Variants in NBEAL1 observed in about 807,000 individuals in gnomAD.
NBEAL1 encodes neurobeachin like 1.
NBEAL1 carries 273 observed loss-of-function variants against 351.3 expected under a neutral mutation model. The ratio of observed to expected loss-of-function variants is 0.78; its 90% CI spans 0.70 to 0.86. The LOEUF (loss-of-function observed/expected upper bound fraction) is 0.86. NBEAL1 is among the 40% of genes least tolerant of loss of function. NBEAL1 has a pLI of 0.00. For synonymous variants in NBEAL1, 1,050 were observed against 1,086.4 expected (o/e 0.97, Z 0.66); for missense variants, 2,961 against 3,201.3 (o/e 0.92, Z 1.81).
At position 203,225,175 on chromosome 2, in the gene NBEAL1, A is replaced by G. The variant is rs1204386747; in HGVS notation, c.*7821A>G. On this transcript the variant is annotated 3_prime_UTR_variant, in exon 56 of 56. Coordinates refer to ENST00000683969, the MANE Select transcript of NBEAL1 (RefSeq NM_001378026.1). ...AAAATGGGTTTGAATCAAATAAAAA[A>G]AGTGATGTTACTTTCTTCAGTTGAT... Among the ~76,000 whole-genome samples the G allele has an allele frequency of 3.3e-5, 5 of 152,226 alleles. No homozygotes were observed. The East Asian group carries it at 9.6e-4, about 29-fold the overall frequency.
intron 26 of NBEAL1, 149 bp downstream of exon 26, chr2:203,132,281 T>C: frequency 1.7e-6 from 1 of 576,824 alleles, no homozygotes. Flanking sequence ...AGTTTTGTTG[T>C]TTTTGTCTCC....
intron 51 of NBEAL1, among the ~76,000 whole-genome samples, chr2:203,207,656 G>C (rs1022282852): frequency 5.3e-5 from 8 of 152,240 alleles, no homozygotes; most frequent in Admixed American, 1.3e-4. Context: ...GTCCACTCAG[G>C]GTTAAATGGA....
intron 10 of NBEAL1, among the ~76,000 whole-genome samples, chr2:203,087,698 T>G (rs1351635822): frequency 1.3e-5 from 2 of 152,222 alleles, no homozygotes; most frequent in African/African-American, 4.8e-5. Flanking sequence ...TTAAAAAGAT[T>G]ACTACGTAAT....
At chr2:203,181,425 G>A (rs1476044634) in intron 43 of NBEAL1, 1 of 152,078 alleles carries the variant, frequency 6.6e-6, no homozygotes, top group Non-Finnish European at 1.5e-5. Flanking sequence ...ATAAGTTACT[G>A]TAATATTTGA....
chr2:203,126,946 T>C lies in NBEAL1; in HGVS notation c.3248+20T>C. 1 of 1,468,606 alleles carries C rather than the reference T, an allele frequency of 6.8e-7. No individual in the cohort carries two copies. Among genetic ancestry groups the C allele is most frequent in the Non-Finnish European group, 9.3e-7 (1 of 1,074,472 alleles). 91.0% of individuals were successfully genotyped at this position (1,468,606 alleles called of 1,614,324 possible). A position where few individuals can be genotyped will look rare whatever the true frequency, so the allele number is the denominator to read the frequency against. ...TTATGGGTATGATGCCCTTGTTCTT[T>C]CTCAGTTTGATATATTATTTTCTGT... On this transcript the variant is annotated intron_variant, in intron 23 of 55. Coordinates refer to ENST00000683969, the MANE Select transcript of NBEAL1 (RefSeq NM_001378026.1).
rs71034227 is a variant in NBEAL1, at chr2:203,190,159, T to TACACACACACACAC, written c.6824-96_6824-83dup. ...TCAAAAAAAAAAAAAAAGATGTGTGTACACACACACACACACACACACACA... is the reference window on the plus strand; with the variant it reads ...TCAAAAAAAAAAAAAAAGATGTGTGTACACACACACACACACACACACACACACACACACACACA... On this transcript the variant is annotated intron_variant, in intron 45 of 55. Coordinates refer to ENST00000683969, the MANE Select transcript of NBEAL1 (RefSeq NM_001378026.1). 47 of 450,540 alleles carry TACACACACACACAC rather than the reference T, an allele frequency of 1.0e-4. 1 individual carries two copies. Among genetic ancestry groups the TACACACACACACAC allele is most frequent in the African/African-American group, 8.2e-4 (34 of 41,560 alleles). The allele number at this position is 450,540 out of a possible 1,614,324, so 27.9% of individuals were successfully genotyped here.
Position 203,219,477 on chromosome 2 carries a change from A to G in NBEAL1, c.*2123A>G, listed in dbSNP as rs1356792054. The stretch of plus-strand genomic sequence containing the variant: ...ATAGTACAAATAAGTTTTGTTCACA[A>G]TAAAATAGATATCCTACCTGGACTA... On this transcript the variant is annotated 3_prime_UTR_variant, in exon 56 of 56. Coordinates refer to ENST00000683969, the MANE Select transcript of NBEAL1 (RefSeq NM_001378026.1). 1 of 152,044 alleles carries G rather than the reference A, an allele frequency of 6.6e-6. No homozygotes were observed. Among genetic ancestry groups the G allele is most frequent in the African/African-American group, 2.4e-5 (1 of 41,380 alleles). The allele number at this position is 152,044 out of a possible 1,614,324, so 9.4% of individuals were successfully genotyped here. A position where few individuals can be genotyped will look rare whatever the true frequency, so the allele number is the denominator to read the frequency against.
At chr2:203,060,605 T>G (rs1310109202) in intron 6 of NBEAL1, among the ~76,000 whole-genome samples, 1 of 152,226 alleles carries the variant, frequency 6.6e-6, no homozygotes, top group African/African-American at 2.4e-5. Flanking sequence ...CACTACCTAT[T>G]AAACTCATGT....
At position 203,203,886 on chromosome 2, in the gene NBEAL1, T is replaced by C. The variant is rs192177637; in HGVS notation, c.7506+1105T>C. ...GTATTTATTCTTACATATGAACTTA[T>C]GTTTTAGCCATACCCTCTTTTGTTT... On this transcript the variant is annotated intron_variant, in intron 51 of 55. Coordinates refer to ENST00000683969, the MANE Select transcript of NBEAL1 (RefSeq NM_001378026.1). Among the ~76,000 whole-genome samples, 327 of 152,206 alleles carry C rather than the reference T, an allele frequency of 2.1e-3. 3 individuals carry two copies. The highest frequency in any genetic ancestry group is 7.1e-3 in the African/African-American group (296 of 41,536).
At chr2:203,164,382 G>A (rs543636936) in intron 36 of NBEAL1, among the ~76,000 whole-genome samples, 1 of 151,878 alleles carries the variant, frequency 6.6e-6, no homozygotes, top group African/African-American at 2.4e-5. Context: ...CTGGGTAGGG[G>A]CAGTTATATA....
At chr2:203,128,308 A>G (rs2062992839) in intron 24 of NBEAL1, among the ~76,000 whole-genome samples, 2 of 122,530 alleles carry the variant, frequency 1.6e-5, no homozygotes, top group Admixed American at 1.0e-4. Context: ...GGGTTTCACC[A>G]TGTTGGTCAG....
intron 6 of NBEAL1, among the ~76,000 whole-genome samples, chr2:203,067,427 C>CT (rs774301368): frequency 3.9e-5 from 6 of 152,182 alleles, no homozygotes; most frequent in Non-Finnish European, 8.8e-5. Flanking sequence ...TTAGAACTCT[C>CT]TATTTTGCTG....
intron 2 of NBEAL1, among the ~76,000 whole-genome samples, chr2:203,030,145 T>G (rs1460516377): frequency 1.3e-5 from 2 of 152,208 alleles, no homozygotes; most frequent in East Asian, 3.9e-4. Context: ...AAGTATAGAT[T>G]TTCATTTCTG....
intron 12 of NBEAL1, among the ~76,000 whole-genome samples, chr2:203,102,335 T>G (rs1283846941): frequency 6.6e-6 from 1 of 152,210 alleles, no homozygotes; most frequent in African/African-American, 2.4e-5. Flanking sequence ...GGCTATGACT[T>G]CCTGTACTGT....
rs1388691675 is a variant in NBEAL1 at position 203,033,221 on chromosome 2, C to T, written c.52-8544C>T. On this transcript the variant is annotated intron_variant, in intron 2 of 55. Coordinates refer to ENST00000683969, the MANE Select transcript of NBEAL1 (RefSeq NM_001378026.1). ...TTCACAGTGTTAGCCAGGATGGTCTCGATCTCCTGACCTCGTGATCTGCCC... is the reference window on the plus strand; with the variant it reads ...TTCACAGTGTTAGCCAGGATGGTCTTGATCTCCTGACCTCGTGATCTGCCC... Among the ~76,000 whole-genome samples the T allele has an allele frequency of 2.0e-5, 3 of 151,996 alleles. No individual in the cohort carries two copies. The East Asian group carries it at 5.8e-4, about 30-fold the overall frequency.
chr2:203,131,146 T>C (rs1233750949), intron 25 of NBEAL1, among the ~76,000 whole-genome samples: 4 of 152,248 alleles, frequency 2.6e-5, no homozygotes, highest in African/African-American at 7.2e-5. Context: ...TGCCATGTAA[T>C]TAAACTAGAG....
intron 9 of NBEAL1, among the ~76,000 whole-genome samples, chr2:203,084,072 ATC>A (rs1239293757): frequency 1.4e-5 from 2 of 144,790 alleles, no homozygotes; most frequent in Non-Finnish European, 3.0e-5. Context: ...CTGCTTATTT[ATC>A]TCTGTCTCTA....
rs373671407 is a variant in NBEAL1, at chr2:203,167,245, A to G, written c.5882A>G (p.Lys1961Arg). ...TTTTCAGGAGTAGGCTTTGATTTCA[A>G]GTGGCCTCATTCTCAAATTCGAGAG... ...EKEDGVGFDF[K>R]WPHSQIREIH... is the part of the protein sequence containing the mutation. The change falls in exon 38 of 56, where the codon AAG becomes AGG. Residue 1961 changes from lysine to arginine, a missense_variant. Coordinates refer to ENST00000683969, the MANE Select transcript of NBEAL1 (RefSeq NM_001378026.1). 13 of 1,611,534 alleles carry G rather than the reference A, an allele frequency of 8.1e-6. No homozygotes were observed. The African/African-American group carries it at 1.7e-4, about 22-fold the overall frequency.
intron 25 of NBEAL1, among the ~76,000 whole-genome samples, chr2:203,131,186 A>G (rs2063063036): frequency 6.6e-6 from 1 of 152,156 alleles, no homozygotes; most frequent in Non-Finnish European, 1.5e-5. Context: ...ACAACTACAG[A>G]TGAATTTCAG....
Sources: gnomAD v4.1 joint callset for allele counts (sites outside exome capture counted in the v4.1 genomes callset) on GRCh38, gnomAD v4.1.1 for gene constraint, MANE v1.5 for transcripts, NCBI Gene and HGNC (gene_info 2026-07-23, HGNC 2026-07-21) for gene names.